Variants in PRKDC observed in about 807,000 individuals in gnomAD.
The protein encoded by PRKDC is protein kinase, DNA-activated, catalytic subunit, also known as DNA-dependent protein kinase catalytic subunit.
Under a neutral mutation model 486.9 loss-of-function variants are expected in PRKDC, and 82 were observed. The observed-to-expected ratio is 0.17, with a 90% confidence interval of 0.14 to 0.20. PRKDC has a LOEUF of 0.20. Ranked by LOEUF, PRKDC falls within the 10% of genes least tolerant of loss-of-function variation. The pLI, the probability that PRKDC is intolerant of heterozygous loss-of-function variation, is 1.00. For synonymous variants in PRKDC, 1,895 were observed against 1,837.0 expected (o/e 1.03, Z -0.81); for missense variants, 4,504 against 5,038.2 (o/e 0.89, Z 3.21).
At chr8:47,857,406 C>T (rs1159753904) in intron 48 of PRKDC, 107 bp from the exon 49 acceptor site, 4 of 1,266,710 alleles carry the variant, frequency 3.2e-6, no homozygotes, top group East Asian at 2.5e-5. Flanking sequence ...TATGACTGGA[C>T]CTAAAGCCAA....
chr8:47,796,009 C>T (rs2086979072), intron 73 of PRKDC, among the ~76,000 whole-genome samples: 1 of 151,722 alleles, frequency 6.6e-6, no homozygotes, highest in South Asian at 2.1e-4. Flanking sequence ...ATTCTCCTGC[C>T]TCAGCCTCCC....
chr8:47,839,252 T>G lies in PRKDC; in HGVS notation c.7455-6A>C, dbSNP rs753597047. On this transcript the variant is annotated splice_polypyrimidine_tract_variant and splice_region_variant and intron_variant, in intron 55 of 85. Transcript: ENST00000314191. ...CTGTCTCACTTTCTGGATCTCTGCT[T>G]GAGAAAACAGCAAAATGTCACAACA... 6.2e-7 allele frequency: 1 copy of G among 1,600,664 alleles called. No individual in the cohort carries two copies. The highest frequency in any genetic ancestry group is 8.6e-7 in the Non-Finnish European group (1 of 1,168,456).
At chr8:47,823,159 C>CCT (rs1174483555) in intron 64 of PRKDC, among the ~76,000 whole-genome samples, 1 of 151,722 alleles carries the variant, frequency 6.6e-6, no homozygotes, top group African/African-American at 2.4e-5. Flanking sequence ...CATAGTGACA[C>CCT]CTCATCTCTA....
intron 73 of PRKDC, among the ~76,000 whole-genome samples, 169 bp downstream of exon 73, chr8:47,798,068 C>G (rs917045024): frequency 1.3e-5 from 2 of 152,194 alleles, no homozygotes; most frequent in African/African-American, 4.8e-5. Context: ...TGCGAAAACT[C>G]GTTTTTGCAG....
At chr8:47,904,519 G>T (rs1405686872) in intron 26 of PRKDC, among the ~76,000 whole-genome samples, 2 of 152,232 alleles carry the variant, frequency 1.3e-5, no homozygotes, top group Non-Finnish European at 2.9e-5. Context: ...CTCCCAAAGT[G>T]TTGGATTACA....
chr8:47,819,479 T>C lies in PRKDC; in HGVS notation c.9368A>G (p.Gln3123Arg). The stretch of plus-strand genomic sequence containing the variant: ...AGACTGCAATTTGGTGAGTCTACTT[T>C]GGTGTAAGAGGACATCAATACTAGA... Reference protein sequence around the residue: ...NYSSIDVLLHQSRLTKLQSVQ... With the variant: ...NYSSIDVLLHRSRLTKLQSVQ... Residue 3123 changes from glutamine (Q) to arginine (R), a missense_variant, in exon 67 of 86, where the codon CAA becomes CGA. Gln to Arg is a conservative substitution (Grantham distance 43). Coordinates refer to ENST00000314191, the MANE Select transcript of PRKDC (RefSeq NM_006904.7). 1 of 1,544,438 alleles carries C rather than the reference T, an allele frequency of 6.5e-7. No homozygotes were observed. Among genetic ancestry groups the C allele is most frequent in the Non-Finnish European group, 8.7e-7 (1 of 1,149,194 alleles).
intron 17 of PRKDC, 112 bp from the exon 18 acceptor site, chr8:47,930,124 G>A (rs1293927375): frequency 1.1e-6 from 1 of 910,890 alleles, no homozygotes; most frequent in African/African-American, 1.7e-5. Flanking sequence ...AACATTTTGA[G>A]GTATCCTAAA....
chr8:47,854,974 A>G (rs1006707803), intron 50 of PRKDC, among the ~76,000 whole-genome samples: 8 of 152,178 alleles, frequency 5.3e-5, no homozygotes, highest in African/African-American at 1.4e-4. Flanking sequence ...CCATGGGCCA[A>G]CGGAAGGTAG....
At chr8:47,818,015 A>G (rs1381224465) in intron 67 of PRKDC, among the ~76,000 whole-genome samples, 1 of 152,192 alleles carries the variant, frequency 6.6e-6, no homozygotes, top group Non-Finnish European at 1.5e-5. Flanking sequence ...TGGCATGTAC[A>G]CAGGTAATAT....
At chr8:47,816,817 G>C (rs1262527641) in intron 68 of PRKDC, among the ~76,000 whole-genome samples, 2 of 147,030 alleles carry the variant, frequency 1.4e-5, no homozygotes, top group Non-Finnish European at 3.0e-5. Context: ...AAAATAAAAA[G>C]TTTAAAAAAA....
intron 5 of PRKDC, 41 bp from the exon 6 acceptor site, chr8:47,953,960 A>G: frequency 1.6e-6 from 2 of 1,228,302 alleles, no homozygotes; most frequent in Non-Finnish European, 2.3e-6. Context: ...CTCAAACTAC[A>G]TTTAAATAAG....
chr8:47,860,910 T>C lies in PRKDC; in HGVS notation c.6047A>G (p.Asn2016Ser), dbSNP rs1589749308. Residue 2016 changes from asparagine to serine, a missense_variant, in exon 45 of 86, where the codon AAT (asparagine) becomes AGT (serine). Asn to Ser is a conservative substitution (Grantham distance 46). Transcript: ENST00000314191. ...EIRKEAREAA[N>S]GDSDGPSYMS... ...TGAAAACATCCTACCTGAATCCCCA[T>C]TTGCTGCTTCTCTGGCTTCTTTCCT... 1 of 1,608,308 alleles carries C rather than the reference T, an allele frequency of 6.2e-7. No homozygotes were observed. Among genetic ancestry groups the C allele is most frequent in the East Asian group, 2.2e-5 (1 of 44,750 alleles).
intron 51 of PRKDC, among the ~76,000 whole-genome samples, chr8:47,853,838 ATTT>A (rs999519431): frequency 6.6e-5 from 10 of 152,242 alleles, no homozygotes; most frequent in African/African-American, 2.4e-4. Flanking sequence ...GCAGACAAGA[ATTT>A]TTTTGGTATA....
chr8:47,814,404 CAGAA>C (rs975367711), intron 68 of PRKDC, among the ~76,000 whole-genome samples: 1 of 152,026 alleles, frequency 6.6e-6, no homozygotes, highest in East Asian at 1.9e-4. Flanking sequence ...GCATAAAGTT[CAGAA>C]AGAAAGAAAG....
At chr8:47,830,181 C>T (rs2087830806) in intron 61 of PRKDC, among the ~76,000 whole-genome samples, 1 of 152,172 alleles carries the variant, frequency 6.6e-6, no homozygotes, top group Admixed American at 6.5e-5. Flanking sequence ...AAGTCACTGG[C>T]ATGTGTCTTT....
chr8:47,903,747 CA>C (rs2089726216), intron 26 of PRKDC, among the ~76,000 whole-genome samples: 1 of 152,062 alleles, frequency 6.6e-6, no homozygotes, highest in African/African-American at 2.4e-5. Context: ...CTTCAAGGAT[CA>C]AAAGGGAGAA....
intron 48 of PRKDC, among the ~76,000 whole-genome samples, chr8:47,858,097 C>G (rs968640525): frequency 1.3e-5 from 2 of 152,158 alleles, no homozygotes; most frequent in Admixed American, 6.5e-5. Context: ...AAAATGGACT[C>G]CAAGATGCTC....
chr8:47,862,344 C>T lies in PRKDC; in HGVS notation c.5919+29G>A, dbSNP rs535562149. ...TCTAACTTTTGAACTCCTACAATAA[C>T]AATAGTGCACACCGTAGGAGTGGCC... On this transcript the variant is annotated intron_variant, in intron 43 of 85. Transcript: ENST00000314191. 3.8e-6 allele frequency: 6 copies of T among 1,593,322 alleles called. No individual in the cohort carries two copies. The African/African-American group carries it at 8.1e-5, about 21-fold the overall frequency.
intron 25 of PRKDC, among the ~76,000 whole-genome samples, chr8:47,909,308 C>T (rs2089853940): frequency 6.6e-6 from 1 of 152,196 alleles, no homozygotes; most frequent in African/African-American, 2.4e-5. Flanking sequence ...TTACACCTCT[C>T]TTTACTGCAG....
Sources: gnomAD v4.1 joint callset for allele counts (sites outside exome capture counted in the v4.1 genomes callset) on GRCh38, gnomAD v4.1.1 for gene constraint, MANE v1.5 for transcripts, NCBI Gene and HGNC (gene_info 2026-07-23, HGNC 2026-07-21) for gene names.